MEGF11: variants seen among roughly 807,000 people sequenced by gnomAD.
The protein encoded by MEGF11 is multiple EGF like domains 11, also known as multiple epidermal growth factor-like domains protein 11.
Under a neutral mutation model 146.6 loss-of-function variants are expected in MEGF11, and 126 were observed. The ratio of observed to expected loss-of-function variants is 0.86; its 90% CI spans 0.74 to 1.00. The LOEUF is 1.00. MEGF11 is among the 50% of genes least tolerant of loss of function. The probability of loss-of-function intolerance (pLI) is 0.00; values close to 1 mark genes in which losing one functional copy is unlikely to be tolerated. For missense variants in MEGF11, 1,509 were observed against 1,521.2 expected (o/e 0.99, Z 0.13); for synonymous variants, 532 against 583.4 (o/e 0.91, Z 1.27).
At chr15:65,953,167 G>A (rs905881233) in intron 10 of MEGF11, among the ~76,000 whole-genome samples, 1 of 152,192 alleles carries the variant, frequency 6.6e-6, no homozygotes, top group Non-Finnish European at 1.5e-5. Context: ...ATAGCTTACC[G>A]GTAATTGCTG....
chr15:66,044,692 TAA>T (rs2084123880), intron 5 of MEGF11, among the ~76,000 whole-genome samples: 4 of 150,180 alleles, frequency 2.7e-5, no homozygotes, highest in Admixed American at 2.6e-4. Flanking sequence ...ATAATAATAA[TAA>T]TAATAATAAA....
chr15:65,913,256 G>A (rs333542), intron 20 of MEGF11, among the ~76,000 whole-genome samples: 131,601 of 152,100 alleles, frequency 0.87, 58,118 homozygotes, highest in East Asian at 0.94. Flanking sequence ...GTCAGGTACT[G>A]TCCCCTTCCG....
chr15:66,157,128 C>T (rs908025599), intron 1 of MEGF11, among the ~76,000 whole-genome samples: 63 of 152,156 alleles, frequency 4.1e-4, no homozygotes, highest in Admixed American at 2.6e-3. Flanking sequence ...GGACCAGAGA[C>T]GTGCCAGCAG....
At position 65,951,584 on chromosome 15, in the gene MEGF11, G is replaced by A. The variant is rs371316113; in HGVS notation, c.1287+5963C>T. 1.1e-4 allele frequency among the ~76,000 whole-genome samples: 16 copies of A among 152,300 alleles called. No individual in the cohort carries two copies. The East Asian group carries it at 2.1e-3, about 20-fold the overall frequency. On this transcript the variant is annotated intron_variant, in intron 10 of 25. Coordinates refer to ENST00000395614, the MANE Select transcript of MEGF11 (RefSeq NM_001385028.1). ...TGCCTGTAATCCCAGCTACTCAGGA[G>A]GCTGAGGCAAGAGAATTGCGTGAAC...
At chr15:66,250,838 C>T (rs913960580) in intron 1 of MEGF11, among the ~76,000 whole-genome samples, 30 of 150,834 alleles carry the variant, frequency 2.0e-4, no homozygotes, top group Admixed American at 1.8e-3. Flanking sequence ...ACCCAGAAGG[C>T]GGAGGTTGCC....
chr15:66,002,096 G>A (rs944560803), intron 5 of MEGF11, among the ~76,000 whole-genome samples: 3 of 152,048 alleles, frequency 2.0e-5, no homozygotes, highest in Admixed American at 1.3e-4. Context: ...AGATCTTTTC[G>A]ACTCAGTGTA....
chr15:66,207,232 G>A (rs1241322903), intron 1 of MEGF11, among the ~76,000 whole-genome samples: 2 of 152,080 alleles, frequency 1.3e-5, no homozygotes, highest in Non-Finnish European at 1.5e-5. Flanking sequence ...TAATCACAAA[G>A]AGATCCACAC....
intron 5 of MEGF11, among the ~76,000 whole-genome samples, chr15:66,020,077 G>A (rs1028230005): frequency 3.9e-5 from 6 of 152,220 alleles, no homozygotes; most frequent in Non-Finnish European, 8.8e-5. Flanking sequence ...TCCCCAGCTC[G>A]GGTCCTGTAG....
chr15:65,969,895 C>A (rs764879309), intron 8 of MEGF11, among the ~76,000 whole-genome samples: 5 of 152,116 alleles, frequency 3.3e-5, no homozygotes, highest in Middle Eastern at 3.4e-3. Flanking sequence ...TTTCAAATAT[C>A]TTTTTCCAGC....
chr15:66,093,084 C>T (rs2086386041), intron 5 of MEGF11, among the ~76,000 whole-genome samples: 1 of 152,208 alleles, frequency 6.6e-6, no homozygotes, highest in South Asian at 2.1e-4. Flanking sequence ...AGTCATGGCT[C>T]ACTCAAAGCA....
At chr15:66,111,577 G>T (rs1022361331) in intron 4 of MEGF11, among the ~76,000 whole-genome samples, 2 of 152,226 alleles carry the variant, frequency 1.3e-5, no homozygotes, top group African/African-American at 2.4e-5. Flanking sequence ...CACCCCCAGC[G>T]CAGGCTGGGA....
chr15:66,114,177 C>T (rs113924524), intron 4 of MEGF11, among the ~76,000 whole-genome samples: 235 of 152,296 alleles, frequency 1.5e-3, no homozygotes, highest in Middle Eastern at 6.8e-3. Context: ...TTGTGAGCAC[C>T]GTGGCCATCT....
intron 10 of MEGF11, among the ~76,000 whole-genome samples, chr15:65,937,710 C>A (rs912132377): frequency 1.3e-5 from 2 of 152,234 alleles, no homozygotes; most frequent in African/African-American, 4.8e-5. Flanking sequence ...CAGTCATGAT[C>A]TAGATATTCC....
chr15:65,982,469 C>A lies in MEGF11; in HGVS notation c.414G>T (p.Trp138Cys). ...GGCACCGGTTGCTGCAGTGGGGCCCCCAGTGGTCGCTGTCGCAGCCTGCAA... is the reference window on the plus strand; with the variant it reads ...GGCACCGGTTGCTGCAGTGGGGCCCACAGTGGTCGCTGTCGCAGCCTGCAA... ...DCSSGCDSDH[W>C]GPHCSNRCQC... The change falls in exon 6 of 26, where the codon TGG (tryptophan) becomes TGT (cysteine). Residue 138 changes from tryptophan to cysteine, a missense_variant. Transcript: ENST00000395614. The surrounding 1 kb of genome is among the most constrained non-coding windows in gnomAD (Gnocchi z 5.6). The A allele has an allele frequency of 6.8e-7, 1 of 1,480,248 alleles. No individual in the cohort carries two copies. The highest frequency in any genetic ancestry group is 9.0e-7 in the Non-Finnish European group (1 of 1,114,708). The allele number at this position is 1,480,248 out of a possible 1,614,324, so 91.7% of individuals were successfully genotyped here.
At chr15:66,153,683 G>A (rs7175598) in intron 1 of MEGF11, among the ~76,000 whole-genome samples, 13,339 of 152,204 alleles carry the variant, frequency 0.088, 1,309 homozygotes, top group East Asian at 0.57. Context: ...ACCCAGGTGC[G>A]CCCAGACACA....
chr15:66,153,055 G>A (rs2089628365), intron 1 of MEGF11, among the ~76,000 whole-genome samples: 1 of 152,162 alleles, frequency 6.6e-6, no homozygotes, highest in Non-Finnish European at 1.5e-5. Flanking sequence ...TCCCCCAATG[G>A]AGAGCCTTTA....
In MEGF11 at chr15:65,968,045, C is replaced by G. The variant is rs139852507; in HGVS notation, c.899+2508G>C. ...TGTGGCTAAGATGACCCCAGATTGTCTTTCTGCAAATCTTGTCATATTTCA... is the reference window on the plus strand; with the variant it reads ...TGTGGCTAAGATGACCCCAGATTGTGTTTCTGCAAATCTTGTCATATTTCA... On this transcript the variant is annotated intron_variant, in intron 8 of 25. Transcript: ENST00000395614. Among the ~76,000 whole-genome samples the G allele has an allele frequency of 3.3e-4, 50 of 152,272 alleles. 2 individuals carry two copies. Among genetic ancestry groups the G allele is most frequent in the African/African-American group, 1.1e-3 (47 of 41,564 alleles).
intron 5 of MEGF11, among the ~76,000 whole-genome samples, chr15:66,032,093 A>T (rs1295987234): frequency 6.6e-6 from 1 of 152,192 alleles, no homozygotes; most frequent in Non-Finnish European, 1.5e-5. Flanking sequence ...TCTGGCATAG[A>T]ACAGTTCCAT....
At chr15:65,971,541 A>G (rs1480338322) in intron 7 of MEGF11, among the ~76,000 whole-genome samples, 3 of 152,072 alleles carry the variant, frequency 2.0e-5, no homozygotes, top group Non-Finnish European at 4.4e-5. Context: ...TGGGGGTGGA[A>G]CTCTCCTGCT....
Sources: allele counts gnomAD v4.1 joint callset (sites outside exome capture counted in the v4.1 genomes callset), GRCh38; gene constraint gnomAD v4.1.1; non-coding constraint Gnocchi (gnomAD v3.1); transcripts MANE v1.5; gene names NCBI Gene and HGNC (gene_info 2026-07-23, HGNC 2026-07-21).